The following PTPRT variants were observed in gnomAD, a reference collection of about 807,000 sequenced individuals.
The protein encoded by PTPRT is receptor-type tyrosine-protein phosphatase T.
A neutral mutation model predicts 176.8 loss-of-function variants in PTPRT; 56 were observed. The observed-to-expected ratio is 0.32, with a 90% CI of 0.26 to 0.40. The LOEUF (loss-of-function observed/expected upper bound fraction) is 0.40, where lower values mean the gene tolerates loss of function less well. Among genes scored for constraint, PTPRT ranks in the 10% least tolerant of loss-of-function variants. PTPRT has a pLI of 1.00. For missense variants in PTPRT, 1,540 were observed against 1,908.2 expected (o/e 0.81, Z 3.60); for synonymous variants, 783 against 739.0 (o/e 1.06, Z -0.96).
intron 8 of PTPRT, among the ~76,000 whole-genome samples, chr20:42,455,068 T>G (rs776387481): frequency 1.3e-5 from 2 of 152,176 alleles, no homozygotes; most frequent in Non-Finnish European, 2.9e-5. Context: ...TTTCAAACAC[T>G]GAAACCATTG....
At chr20:42,187,317 A>G (rs1190386460) in intron 16 of PTPRT, among the ~76,000 whole-genome samples, 2 of 152,136 alleles carry the variant, frequency 1.3e-5, no homozygotes, top group African/African-American at 4.8e-5. Context: ...GTGAGTGTAG[A>G]TTTGAGATGT....
intron 7 of PTPRT, among the ~76,000 whole-genome samples, chr20:42,597,860 A>C (rs1357961163): frequency 1.3e-5 from 2 of 152,202 alleles, no homozygotes; most frequent in Admixed American, 1.3e-4. Context: ...GGATTAAAGA[A>C]AGACACAGAT....
chr20:42,784,372 T>C (rs145600404), intron 3 of PTPRT, among the ~76,000 whole-genome samples: 71 of 152,298 alleles, frequency 4.7e-4, no homozygotes, highest in African/African-American at 1.6e-3. Context: ...GAGAAAAATG[T>C]TGGCACATCA....
intron 7 of PTPRT, among the ~76,000 whole-genome samples, chr20:42,484,544 A>T (rs899862719): frequency 1.3e-5 from 2 of 152,252 alleles, no homozygotes; most frequent in African/African-American, 4.8e-5. Context: ...AAGATATGAC[A>T]TCAGAAGGAA....
At chr20:42,439,822 C>T (rs1568880581) in intron 9 of PTPRT, among the ~76,000 whole-genome samples, 1 of 152,326 alleles carries the variant, frequency 6.6e-6, no homozygotes, top group East Asian at 1.9e-4. Flanking sequence ...TAAGGCCCAT[C>T]CATCCATCCC....
intron 5 of PTPRT, among the ~76,000 whole-genome samples, chr20:42,758,745 A>G (rs996631199): frequency 6.6e-6 from 1 of 152,204 alleles, no homozygotes; most frequent in African/African-American, 2.4e-5. Context: ...CTGTAAGAGG[A>G]GAATCTGAAG....
intron 11 of PTPRT, among the ~76,000 whole-genome samples, chr20:42,333,528 TTCACCATGTTGGCCAGAATGGTC>T (rs2145443844): frequency 6.6e-6 from 1 of 152,164 alleles, no homozygotes; most frequent in East Asian, 1.9e-4. Flanking sequence ...GAGACGGGGT[TTCACCATGTTGGCCAGAATGGTC>T]TCAATCTCCT....
chr20:42,866,389 G>A (rs1474758381), intron 2 of PTPRT, among the ~76,000 whole-genome samples: 1 of 152,164 alleles, frequency 6.6e-6, no homozygotes, highest in East Asian at 1.9e-4. Context: ...CCCAAATCCA[G>A]TATCTTTGTT....
intron 7 of PTPRT, among the ~76,000 whole-genome samples, chr20:42,503,829 G>A (rs1292336503): frequency 1.3e-5 from 2 of 151,912 alleles, no homozygotes; most frequent in African/African-American, 2.4e-5. Context: ...TCTTAAAACA[G>A]GCCAAGAACT....
intron 9 of PTPRT, among the ~76,000 whole-genome samples, chr20:42,369,962 C>T (rs1400858010): frequency 1.3e-5 from 2 of 152,210 alleles, no homozygotes; most frequent in East Asian, 1.9e-4. Context: ...CTTGCTCTTT[C>T]CTCAGCAAAA....
At chr20:43,040,916 C>A (rs1266156591) in intron 1 of PTPRT, among the ~76,000 whole-genome samples, 2 of 152,198 alleles carry the variant, frequency 1.3e-5, no homozygotes, top group Non-Finnish European at 2.9e-5. Context: ...TAATTCGAAC[C>A]TGGAACATTT....
intron 11 of PTPRT, among the ~76,000 whole-genome samples, chr20:42,334,027 C>T (rs559844473): frequency 1.2e-4 from 18 of 152,214 alleles, no homozygotes; most frequent in African/African-American, 3.9e-4. Context: ...ATAGACAAAA[C>T]CCACATAAAC....
At chr20:42,917,902 C>T (rs899618017) in intron 1 of PTPRT, among the ~76,000 whole-genome samples, 1 of 152,182 alleles carries the variant, frequency 6.6e-6, no homozygotes, top group African/African-American at 2.4e-5. Flanking sequence ...AAAACCTTTA[C>T]TCTTTCCTCC....
chr20:42,793,097 G>C (rs149431365), intron 2 of PTPRT, among the ~76,000 whole-genome samples: 93 of 152,210 alleles, frequency 6.1e-4, no homozygotes, highest in African/African-American at 2.2e-3. Context: ...GGATAGTTGG[G>C]TGGGTTTGTA....
At chr20:42,336,799 TG>T (rs1407579619) in intron 11 of PTPRT, among the ~76,000 whole-genome samples, 3 of 152,112 alleles carry the variant, frequency 2.0e-5, no homozygotes, top group Non-Finnish European at 4.4e-5. Context: ...ACCAAGAACA[TG>T]AGTTTATTGT....
At chr20:42,505,537 G>C (rs2071829413) in intron 7 of PTPRT, among the ~76,000 whole-genome samples, 1 of 152,032 alleles carries the variant, frequency 6.6e-6, no homozygotes, top group Non-Finnish European at 1.5e-5. Flanking sequence ...CCTTATTTCA[G>C]GTGATCCACC....
intron 7 of PTPRT, among the ~76,000 whole-genome samples, chr20:42,614,531 C>A (rs960385321): frequency 2.5e-4 from 36 of 145,442 alleles, no homozygotes; most frequent in African/African-American, 7.1e-4. Context: ...AGCTAACACT[C>A]CTTTGTCACC....
chr20:42,766,378 C>T (rs1008508065), intron 5 of PTPRT, among the ~76,000 whole-genome samples: 3 of 152,232 alleles, frequency 2.0e-5, no homozygotes, highest in African/African-American at 7.2e-5. Flanking sequence ...TAATTTTTTA[C>T]TAGCCTTCTA....
chr20:42,427,991 C>T (rs2059181703), intron 9 of PTPRT, among the ~76,000 whole-genome samples: 1 of 152,218 alleles, frequency 6.6e-6, no homozygotes, highest in Non-Finnish European at 1.5e-5. Flanking sequence ...CCCTATCTCC[C>T]TTCTCTGACT....
Sources: allele counts gnomAD v4.1 joint callset (sites outside exome capture counted in the v4.1 genomes callset), GRCh38; gene constraint gnomAD v4.1.1; transcripts MANE v1.5; gene names NCBI Gene and HGNC (gene_info 2026-07-23, HGNC 2026-07-21).